FAM219A: variants seen among roughly 807,000 people sequenced by gnomAD.
FAM219A encodes family with sequence similarity 219 member A.
FAM219A carries 7 observed loss-of-function variants against 23.4 expected under a neutral mutation model. That is an observed-to-expected ratio of 0.30 (90% CI 0.17 to 0.56). The LOEUF is 0.56. Among genes scored for constraint, FAM219A ranks in the 20% least tolerant of loss-of-function variants. FAM219A has a pLI of 0.92. For missense variants in FAM219A, 166 were observed against 246.9 expected, an observed-to-expected ratio of 0.67 and a Z score of 2.20; for synonymous variants, 93 against 99.0, an observed-to-expected ratio of 0.94 and a Z score of 0.36.
At chr9:34,439,352 AATTC>A (rs1366531405) in intron 1 of FAM219A, among the ~76,000 whole-genome samples, 1 of 152,208 alleles carries the variant, frequency 6.6e-6, no homozygotes, top group African/African-American at 2.4e-5. Flanking sequence ...ACTAGAAGAC[AATTC>A]ATTCAGTCAT....
At position 34,452,317 on chromosome 9, in the gene FAM219A, G is replaced by A. The variant is rs146126556; in HGVS notation, c.60+5887C>T. 4.4e-4 allele frequency among the ~76,000 whole-genome samples: 67 copies of A among 152,248 alleles called. No homozygotes were observed. In the East Asian group the frequency reaches 0.011, roughly 25 times the overall value. On this transcript the variant is annotated intron_variant, in intron 1 of 5. Transcript: ENST00000651358. The stretch of plus-strand genomic sequence containing the variant: ...AATGTAGCTTCAGCAGTAGAGCAAA[G>A]GAAAACAGCAGCCTTCTCTGTTATA...
At chr9:34,423,685 G>C (rs1822359787) in intron 1 of FAM219A, among the ~76,000 whole-genome samples, 1 of 152,210 alleles carries the variant, frequency 6.6e-6, no homozygotes, top group South Asian at 2.1e-4. Flanking sequence ...AGGCAGGAAT[G>C]ATTAAACTGG....
At chr9:34,439,917 C>T (rs575433052) in intron 1 of FAM219A, among the ~76,000 whole-genome samples, 1 of 152,270 alleles carries the variant, frequency 6.6e-6, no homozygotes, top group Admixed American at 6.5e-5. Context: ...TGACACTTTC[C>T]TCTGATGTTT....
intron 1 of FAM219A, among the ~76,000 whole-genome samples, chr9:34,449,849 C>T (rs764418960): frequency 3.3e-5 from 5 of 152,152 alleles, no homozygotes; most frequent in Non-Finnish European, 7.4e-5. Flanking sequence ...TGGGATAGAG[C>T]ATATAGTCTT....
intron 2 of FAM219A, among the ~76,000 whole-genome samples, chr9:34,404,829 A>G (rs990885013): frequency 1.3e-5 from 2 of 152,234 alleles, no homozygotes; most frequent in African/African-American, 4.8e-5. Context: ...ATTCTTGTTT[A>G]GAAAAACAGC....
At chr9:34,420,184 C>G (rs906390967) in intron 1 of FAM219A, among the ~76,000 whole-genome samples, 4 of 152,024 alleles carry the variant, frequency 2.6e-5, no homozygotes, top group Non-Finnish European at 5.9e-5. Flanking sequence ...AACACCAAGC[C>G]CTGGTTCTTG....
chr9:34,398,587 G>T lies in FAM219A; in HGVS notation c.*2377C>A, dbSNP rs527988099. 3.1e-5 allele frequency: 18 copies of T among 576,448 alleles called. No individual in the cohort carries two copies. The highest frequency in any genetic ancestry group is 1.2e-4 in the Admixed American group (4 of 33,344). 35.7% of individuals were successfully genotyped at this position (576,448 alleles called of 1,614,324 possible). A position where few individuals can be genotyped will look rare whatever the true frequency, so the allele number is the denominator to read the frequency against. On this transcript the variant is annotated 3_prime_UTR_variant, in exon 6 of 6. Coordinates refer to ENST00000651358, the MANE Select transcript of FAM219A (RefSeq NM_001184940.2). The stretch of plus-strand genomic sequence containing the variant: ...GCCAGGGAACTAGTATGTCCTGTGG[G>T]GGGGGAGATTTTCCCTGGTGTCTCA...
intron 1 of FAM219A, 139 bp from the exon 2 acceptor site, chr9:34,406,103 GGA>G (rs962084212): frequency 2.1e-6 from 2 of 965,826 alleles, no homozygotes; most frequent in African/African-American, 3.3e-5. Context: ...GGGCATTCAG[GGA>G]GAGAGGGGCA....
intron 1 of FAM219A, among the ~76,000 whole-genome samples, chr9:34,416,183 A>AAAAT (rs1821994139): frequency 1.6e-5 from 1 of 64,012 alleles, no homozygotes; most frequent in South Asian, 7.2e-4. Flanking sequence ...GAAGAAAGAG[A>AAAAT]AAAGAAAGAA....
chr9:34,436,871 G>A lies in FAM219A; in HGVS notation c.60+21333C>T, dbSNP rs141860468. ...CTTTGCAAGGCTGGTGTTAGAATGA[G>A]ATGAAATAATGTATATAGAACACTT... is the stretch of plus-strand genomic sequence containing the variant. On this transcript the variant is annotated intron_variant, in intron 1 of 5. Transcript: ENST00000651358. 2.0e-5 allele frequency among the ~76,000 whole-genome samples: 3 copies of A among 152,336 alleles called. No homozygotes were observed. In the East Asian group the frequency reaches 5.8e-4, roughly 29 times the overall value.
intron 1 of FAM219A, among the ~76,000 whole-genome samples, chr9:34,427,469 C>T (rs977470805): frequency 6.6e-6 from 1 of 152,142 alleles, no homozygotes; most frequent in African/African-American, 2.4e-5. Flanking sequence ...GTCTCACAGC[C>T]CCTGCTCCCC....
intron 1 of FAM219A, among the ~76,000 whole-genome samples, chr9:34,450,602 AGGGAC>A: frequency 6.6e-6 from 1 of 152,204 alleles, no homozygotes; most frequent in Admixed American, 6.5e-5. Context: ...TATTTTTAGT[AGGGAC>A]GGGATTTCAA....
intron 1 of FAM219A, among the ~76,000 whole-genome samples, chr9:34,424,946 A>T (rs1822402427): frequency 6.6e-6 from 1 of 152,092 alleles, no homozygotes; most frequent in South Asian, 2.1e-4. Flanking sequence ...CTAGGACTAC[A>T]GGTGTGTACC....
intron 1 of FAM219A, among the ~76,000 whole-genome samples, chr9:34,428,318 C>T (rs1202061481): frequency 6.6e-6 from 1 of 152,196 alleles, no homozygotes; most frequent in Non-Finnish European, 1.5e-5. Context: ...GTAAACACAA[C>T]CCCTGTCTAG....
chr9:34,419,191 G>A lies in FAM219A; in HGVS notation c.61-13227C>T, dbSNP rs12115415. 5.5e-3 allele frequency among the ~76,000 whole-genome samples: 834 copies of A among 152,198 alleles called. 7 individuals carry two copies. Among genetic ancestry groups the A allele is most frequent in the African/African-American group, 0.019 (780 of 41,518 alleles). On this transcript the variant is annotated intron_variant, in intron 1 of 5. Transcript: ENST00000651358. ...TAAAAAAATTGAGAAGCAGGACCTA[G>A]GCAGCAAAATAAGAAGGTGTGTGGT...
intron 1 of FAM219A, among the ~76,000 whole-genome samples, chr9:34,432,923 C>T (rs1822767971): frequency 6.6e-6 from 1 of 152,152 alleles, no homozygotes; most frequent in Non-Finnish European, 1.5e-5. Context: ...GTCTTGAACT[C>T]CTGGCCTCAA....
chr9:34,445,257 GT>G (rs1286739569), intron 1 of FAM219A, among the ~76,000 whole-genome samples: 2 of 152,164 alleles, frequency 1.3e-5, no homozygotes, highest in Non-Finnish European at 2.9e-5. Flanking sequence ...TTCTTCACCA[GT>G]CTGTAAGTTC....
chr9:34,437,216 T>C (rs1025363810), intron 1 of FAM219A, among the ~76,000 whole-genome samples: 3 of 152,210 alleles, frequency 2.0e-5, no homozygotes, highest in Admixed American at 2.0e-4. Flanking sequence ...AGGATCTTAA[T>C]CAGGTCATGC....
chr9:34,438,906 T>A (rs1404533452), intron 1 of FAM219A, among the ~76,000 whole-genome samples: 1 of 152,238 alleles, frequency 6.6e-6, no homozygotes, highest in Non-Finnish European at 1.5e-5. Context: ...CTCTTTGCAA[T>A]AAATCTTGCT....
Sources: gnomAD v4.1 joint callset for allele counts (sites outside exome capture counted in the v4.1 genomes callset) on GRCh38, gnomAD v4.1.1 for gene constraint, MANE v1.5 for transcripts, NCBI Gene and HGNC (gene_info 2026-07-23, HGNC 2026-07-21) for gene names.